PHLPP1: variants seen among roughly 807,000 people sequenced by gnomAD.
PHLPP1 encodes PH domain leucine-rich repeat-containing protein phosphatase 1.
PHLPP1 carries 42 observed loss-of-function variants against 117.2 expected under a neutral mutation model. The ratio of observed to expected loss-of-function variants is 0.36; its 90% CI spans 0.28 to 0.46. The LOEUF is 0.46. Ranked by LOEUF, PHLPP1 falls within the 20% of genes least tolerant of loss-of-function variation. The pLI, the probability that PHLPP1 is intolerant of heterozygous loss-of-function variation, is 1.00. For missense variants in PHLPP1, 2,084 were observed against 2,241.9 expected (o/e 0.93, Z 1.42); for synonymous variants, 1,042 against 970.7 (o/e 1.07, Z -1.37).
chr18:62,939,484 C>T (rs905824092), intron 10 of PHLPP1, among the ~76,000 whole-genome samples: 5 of 152,094 alleles, frequency 3.3e-5, no homozygotes, highest in Admixed American at 3.3e-4. Flanking sequence ...CTCTAAACAG[C>T]GATGGTAAAC....
At chr18:62,767,139 G>A (rs576561833) in intron 1 of PHLPP1, among the ~76,000 whole-genome samples, 1 of 152,220 alleles carries the variant, frequency 6.6e-6, no homozygotes, top group South Asian at 2.1e-4. Flanking sequence ...CTCGGTATCA[G>A]GCCCTAAATC....
intron 4 of PHLPP1, among the ~76,000 whole-genome samples, chr18:62,866,689 G>A (rs1479676897): frequency 6.6e-6 from 1 of 152,208 alleles, no homozygotes; most frequent in African/African-American, 2.4e-5. Context: ...CAAAGAGCCA[G>A]TATTTGTGGA....
chr18:62,797,490 A>C (rs1913658863), intron 1 of PHLPP1, among the ~76,000 whole-genome samples: 1 of 152,226 alleles, frequency 6.6e-6, no homozygotes, highest in Non-Finnish European at 1.5e-5. Context: ...AAAAAAGAGA[A>C]GTAGGGCAGG....
At chr18:62,820,629 C>T (rs2144320822) in intron 1 of PHLPP1, among the ~76,000 whole-genome samples, 1 of 152,310 alleles carries the variant, frequency 6.6e-6, no homozygotes, top group South Asian at 2.1e-4. Flanking sequence ...TTCCTGCCAC[C>T]TTGTGAAGAA....
intron 12 of PHLPP1, among the ~76,000 whole-genome samples, chr18:62,947,246 A>T (rs2144461341): frequency 6.6e-6 from 1 of 152,330 alleles, no homozygotes; most frequent in South Asian, 2.1e-4. Context: ...TAGTATTGTT[A>T]TGGAGATGAA....
In PHLPP1 at chr18:62,715,722, C is replaced by G. The variant is rs1480407091; in HGVS notation, c.39C>G (p.Pro13=). ...PAAAATVQRL[P]ELGREDRASA... ...CCGCGGCCACGGTACAGCGACTCCC[C>G]GAGCTCGGCAGGGAGGACCGAGCTT... The change falls in exon 1 of 17, where the codon CCC becomes CCG. Residue 13 remains proline, a synonymous_variant. Coordinates refer to ENST00000262719, the MANE Select transcript of PHLPP1 (RefSeq NM_194449.4). 6 of 1,267,136 alleles carry G rather than the reference C, an allele frequency of 4.7e-6. No homozygotes were observed. The highest frequency in any genetic ancestry group is 7.1e-5 in the Admixed American group (2 of 28,204). The allele number at this position is 1,267,136 out of a possible 1,614,324, so 78.5% of individuals were successfully genotyped here. A position where few individuals can be genotyped will look rare whatever the true frequency, so the allele number is the denominator to read the frequency against.
intron 1 of PHLPP1, among the ~76,000 whole-genome samples, chr18:62,728,841 A>C (rs1157030221): frequency 1.3e-5 from 2 of 151,714 alleles, no homozygotes; most frequent in African/African-American, 4.8e-5. Flanking sequence ...AGGAAGGCTA[A>C]CATGCCTATT....
At chr18:62,748,885 G>T (rs1911758952) in intron 1 of PHLPP1, among the ~76,000 whole-genome samples, 2 of 151,692 alleles carry the variant, frequency 1.3e-5, no homozygotes, top group Non-Finnish European at 2.9e-5. Context: ...CTCTTTTCTT[G>T]GTAGTGTGTT....
chr18:62,951,982 T>A (rs1422387396), intron 12 of PHLPP1, among the ~76,000 whole-genome samples: 1 of 151,870 alleles, frequency 6.6e-6, no homozygotes. Context: ...ACCCAGCTAA[T>A]TTTTTGTATT....
chr18:62,969,174 T>G (rs1313736020), intron 14 of PHLPP1, among the ~76,000 whole-genome samples: 2 of 152,166 alleles, frequency 1.3e-5, no homozygotes, highest in African/African-American at 4.8e-5. Flanking sequence ...CTCAAAGTAC[T>G]GAGATTACAG....
chr18:62,793,364 C>G (rs2144292196), intron 1 of PHLPP1, among the ~76,000 whole-genome samples: 1 of 152,270 alleles, frequency 6.6e-6, no homozygotes, highest in South Asian at 2.1e-4. Flanking sequence ...TTACCACCTG[C>G]TGCTGTTTCG....
At chr18:62,840,235 T>A (rs1418052403) in intron 3 of PHLPP1, among the ~76,000 whole-genome samples, 1 of 152,174 alleles carries the variant, frequency 6.6e-6, no homozygotes, top group Non-Finnish European at 1.5e-5. Context: ...TGATGAGATA[T>A]CATTTAGGAG....
intron 13 of PHLPP1, among the ~76,000 whole-genome samples, chr18:62,960,363 G>A (rs1204270739): frequency 6.6e-6 from 1 of 152,090 alleles, no homozygotes; most frequent in Admixed American, 6.5e-5. Context: ...ATCAGTACAT[G>A]TAGATTGGTT....
Position 62,900,470 on chromosome 18 carries a change from G to A in PHLPP1, c.2445-2494G>A, listed in dbSNP as rs1455475532. ...TTTTTTTTTTTTTTTTTGAGACAGG[G>A]TCTCACTTTGTTACCCAAGCTGGAA... On this transcript the variant is annotated intron_variant, in intron 6 of 16. Transcript: ENST00000262719. Among the ~76,000 whole-genome samples the A allele has an allele frequency of 3.5e-5, 3 of 86,204 alleles. 1 individual carries two copies. The highest frequency in any genetic ancestry group is 6.3e-5 in the Non-Finnish European group (3 of 47,488). 56.6% of individuals were successfully genotyped at this position (86,204 alleles called of 152,430 possible).
chr18:62,762,700 C>A (rs1468173630), intron 1 of PHLPP1, among the ~76,000 whole-genome samples: 1 of 152,136 alleles, frequency 6.6e-6, no homozygotes, highest in African/African-American at 2.4e-5. Context: ...AAGTGTGAGC[C>A]ACCATGCCCT....
rs1160034647 is a variant in PHLPP1 at position 62,914,940 on chromosome 18, G to T, written c.2736G>T (p.Trp912Cys). The change falls in exon 9 of 17, where the codon TGG becomes TGT. Residue 912 changes from tryptophan (W) to cysteine (C), a missense_variant. Physicochemically the swap from Trp to Cys is radical, Grantham distance 215. Transcript: ENST00000262719. ...ACCGCTTAGAAAATGTGCCTGAGTGGGTATGTGAAAGCCGAAAGCTAGAAG... is the reference window on the plus strand; with the variant it reads ...ACCGCTTAGAAAATGTGCCTGAGTGTGTATGTGAAAGCCGAAAGCTAGAAG... ...SRNRLENVPE[W>C]VCESRKLEVL... 2.5e-6 allele frequency: 4 copies of T among 1,613,542 alleles called. No individual in the cohort carries two copies. The highest frequency in any genetic ancestry group is 1.7e-4 in the Middle Eastern group (1 of 6,060).
intron 1 of PHLPP1, among the ~76,000 whole-genome samples, chr18:62,784,863 C>G (rs1378637740): frequency 6.6e-6 from 1 of 151,906 alleles, no homozygotes; most frequent in African/African-American, 2.4e-5. Flanking sequence ...ATGGTCTGTT[C>G]AGGGCAAAAT....
intron 1 of PHLPP1, among the ~76,000 whole-genome samples, chr18:62,812,716 C>CTT (rs67924353): frequency 6.8e-6 from 1 of 146,244 alleles, no homozygotes; most frequent in Non-Finnish European, 1.5e-5. Context: ...TGCCTGTGAC[C>CTT]TTTTTTTTTT....
chr18:62,915,604 A>G lies in PHLPP1; in HGVS notation c.2804+596A>G, dbSNP rs78985016. On this transcript the variant is annotated intron_variant, in intron 9 of 16. Transcript: ENST00000262719. ...GCAAAACAGCCACGCGATGACTTCT[A>G]TTGTCTGTAAATACAGACAGATATT... is the stretch of plus-strand genomic sequence containing the variant. 9.7e-3 allele frequency among the ~76,000 whole-genome samples: 1,477 copies of G among 152,324 alleles called. 16 individuals are homozygous for G. The highest frequency in any genetic ancestry group is 0.031 in the African/African-American group (1,293 of 41,580).
Sources: gnomAD v4.1 joint callset for allele counts (sites outside exome capture counted in the v4.1 genomes callset) on GRCh38, gnomAD v4.1.1 for gene constraint, MANE v1.5 for transcripts, NCBI Gene and HGNC (gene_info 2026-07-23, HGNC 2026-07-21) for gene names.